Variants in NDFIP2 observed in about 807,000 individuals in gnomAD.
NDFIP2 encodes Nedd4 family interacting protein 2, also known as NEDD4 family-interacting protein 2.
NDFIP2 carries 19 observed loss-of-function variants against 36.0 expected under a neutral mutation model. That is an observed-to-expected ratio of 0.53 (90% confidence interval 0.37 to 0.77). The LOEUF is 0.77. Among genes scored for constraint, NDFIP2 ranks in the 30% least tolerant of loss-of-function variants. The probability of loss-of-function intolerance (pLI) is 0.00; values close to 1 mark genes in which losing one functional copy is unlikely to be tolerated. For synonymous variants in NDFIP2, 181 were observed against 167.7 expected, an observed-to-expected ratio of 1.08 and a Z score of -0.61; for missense variants, 446 against 435.8, an observed-to-expected ratio of 1.02 and a Z score of -0.21.
At chr13:79,490,458 A>G (rs1230563446) in intron 1 of NDFIP2, among the ~76,000 whole-genome samples, 1 of 152,074 alleles carries the variant, frequency 6.6e-6, no homozygotes, top group Non-Finnish European at 1.5e-5. Flanking sequence ...GTGGTGATGT[A>G]GACCAGGGGT....
Position 79,481,229 on chromosome 13 carries a change from T to G in NDFIP2, c.26T>G (p.Val9Gly). 1 of 1,520,274 alleles carries G rather than the reference T, an allele frequency of 6.6e-7. No homozygotes were observed. Among genetic ancestry groups the G allele is most frequent in the Non-Finnish European group, 8.8e-7 (1 of 1,139,792 alleles). 94.2% of individuals were successfully genotyped at this position (1,520,274 alleles called of 1,614,324 possible). Residue 9 changes from valine (V) to glycine (G), a missense_variant, in exon 1 of 8, where the codon GTC becomes GGC. Val to Gly is a moderately radical substitution (Grantham distance 109). This residue lies in a region of NDFIP2 where 369 missense variants were observed against 304.8 expected (regional missense o/e 1.21). Transcript: ENST00000218652. ...ATGGCACGCCGGCGGAGCCAGCGAG[T>G]CTGCGCGAGCGGTCCGAGCATGCTC... MARRRSQR[V>G]CASGPSMLNS...
In NDFIP2 at chr13:79,481,530, T is replaced by C; in HGVS notation, c.321+6T>C. On this transcript the variant is annotated splice_donor_region_variant and intron_variant, in intron 1 of 7. Transcript: ENST00000218652. ...GGACTGGGCGCTACCAGGTGGTGAG[T>C]TCCCGGCCTCCTGTGCCTCCCGGGA... 6.5e-7 allele frequency: 1 copy of C among 1,545,486 alleles called. No individual in the cohort carries two copies.
intron 4 of NDFIP2, among the ~76,000 whole-genome samples, chr13:79,541,484 T>G (rs1013754890): frequency 2.1e-4 from 32 of 151,686 alleles, no homozygotes; most frequent in Non-Finnish European, 4.6e-4. Context: ...CTTATATATT[T>G]AATGCTTCCT....
rs1373895448 is a variant in NDFIP2, at chr13:79,553,176, A to ATATATATGTGTATAC, written c.*677_*678insCTATATATGTGTATA. 1.3e-5 allele frequency: 2 copies of ATATATATGTGTATAC among 151,474 alleles called. No individual in the cohort carries two copies. The highest frequency in any genetic ancestry group is 4.8e-5 in the African/African-American group (2 of 41,384). The allele number at this position is 151,474 out of a possible 1,614,324, so 9.4% of individuals were successfully genotyped here. A position where few individuals can be genotyped will look rare whatever the true frequency, so the allele number is the denominator to read the frequency against. The stretch of plus-strand genomic sequence containing the variant: ...ACTAATTTTAAATTAAGTGAACTAA[A>ATATATATGTGTATAC]TATATATGTGTATATGTATACACAT... On this transcript the variant is annotated 3_prime_UTR_variant, in exon 8 of 8. Transcript: ENST00000218652.
intron 2 of NDFIP2, among the ~76,000 whole-genome samples, chr13:79,525,779 A>G (rs1733983960): frequency 6.6e-6 from 1 of 152,232 alleles, no homozygotes; most frequent in African/African-American, 2.4e-5. Flanking sequence ...TTTCTATTGA[A>G]TATTTCTAGA....
At chr13:79,529,290 A>G (rs1874918166) in intron 2 of NDFIP2, among the ~76,000 whole-genome samples, 1 of 152,198 alleles carries the variant, frequency 6.6e-6, no homozygotes, top group Non-Finnish European at 1.5e-5. Flanking sequence ...TTAAAGCTGT[A>G]GCAATTGAGT....
chr13:79,515,304 G>A (rs769032059), intron 1 of NDFIP2, among the ~76,000 whole-genome samples: 2 of 151,996 alleles, frequency 1.3e-5, no homozygotes, highest in Non-Finnish European at 2.9e-5. Context: ...GATATGTTCT[G>A]TCATACTAAC....
At chr13:79,522,079 C>T (rs1594851837) in intron 2 of NDFIP2, among the ~76,000 whole-genome samples, 2 of 152,294 alleles carry the variant, frequency 1.3e-5, no homozygotes, top group African/African-American at 4.8e-5. Flanking sequence ...CCACCTGCCT[C>T]AGCCTCCCAA....
chr13:79,534,139 C>T (rs1370460081), intron 3 of NDFIP2, among the ~76,000 whole-genome samples: 1 of 152,160 alleles, frequency 6.6e-6, no homozygotes, highest in Non-Finnish European at 1.5e-5. Context: ...TTTGCCTGGA[C>T]CTCAAGTCCA....
In NDFIP2 at chr13:79,481,540, C is replaced by A. The variant is rs1384061320; in HGVS notation, c.321+16C>A. 6.5e-7 allele frequency: 1 copy of A among 1,540,950 alleles called. No individual in the cohort carries two copies. On this transcript the variant is annotated intron_variant, in intron 1 of 7. Coordinates refer to ENST00000218652, the MANE Select transcript of NDFIP2 (RefSeq NM_019080.3). ...CTACCAGGTGGTGAGTTCCCGGCCT[C>A]CTGTGCCTCCCGGGACTGCCTCCCG...
At chr13:79,502,786 C>T (rs372666890) in intron 1 of NDFIP2, among the ~76,000 whole-genome samples, 2 of 151,436 alleles carry the variant, frequency 1.3e-5, no homozygotes, top group African/African-American at 4.9e-5. Flanking sequence ...TATATACATA[C>T]ATATATATTT....
chr13:79,535,160 T>G (rs1411719659), intron 3 of NDFIP2, among the ~76,000 whole-genome samples: 1 of 152,188 alleles, frequency 6.6e-6, no homozygotes, highest in African/African-American at 2.4e-5. Context: ...TATTTGTAAA[T>G]GAACATGCAC....
chr13:79,512,510 T>C (rs532480610), intron 1 of NDFIP2, among the ~76,000 whole-genome samples: 6 of 151,844 alleles, frequency 4.0e-5, no homozygotes, highest in Admixed American at 3.9e-4. Context: ...CAGATTCAAA[T>C]CTGTCTCCCC....
chr13:79,512,759 T>G (rs1007573247), intron 1 of NDFIP2, among the ~76,000 whole-genome samples: 1 of 152,204 alleles, frequency 6.6e-6, no homozygotes, highest in African/African-American at 2.4e-5. Context: ...GAAATCAAGC[T>G]TTTTCTATTG....
intron 1 of NDFIP2, among the ~76,000 whole-genome samples, chr13:79,503,173 G>C (rs1873731715): frequency 6.6e-6 from 1 of 152,142 alleles, no homozygotes; most frequent in Non-Finnish European, 1.5e-5. Context: ...TTTTGACTGA[G>C]AGTCTCATGG....
At chr13:79,483,122 T>C (rs1485648997) in intron 1 of NDFIP2, among the ~76,000 whole-genome samples, 1 of 152,182 alleles carries the variant, frequency 6.6e-6, no homozygotes, top group Non-Finnish European at 1.5e-5. Context: ...CCTCGTTTTT[T>C]TCAAACTGAC....
At chr13:79,481,606 G>A in intron 1 of NDFIP2, 82 bp downstream of exon 1, 3 of 1,440,062 alleles carry the variant, frequency 2.1e-6, no homozygotes, top group Non-Finnish European at 2.8e-6. Context: ...GTTATTCCCG[G>A]AGGAAAAGCT....
intron 1 of NDFIP2, among the ~76,000 whole-genome samples, chr13:79,501,545 A>C (rs969685682): frequency 2.0e-5 from 3 of 152,094 alleles, no homozygotes; most frequent in African/African-American, 7.2e-5. Flanking sequence ...TGAGAGAGGG[A>C]AACAGAAAGA....
chr13:79,516,100 A>C (rs1280427684), intron 1 of NDFIP2, among the ~76,000 whole-genome samples: 1 of 152,090 alleles, frequency 6.6e-6, no homozygotes, highest in Non-Finnish European at 1.5e-5. Flanking sequence ...AACAAGTATA[A>C]AGTGGAAGTA....
Sources: allele counts gnomAD v4.1 joint callset (sites outside exome capture counted in the v4.1 genomes callset), GRCh38; gene constraint gnomAD v4.1.1; regional missense constraint gnomAD v4.1.1; transcripts MANE v1.5; gene names NCBI Gene and HGNC (gene_info 2026-07-23, HGNC 2026-07-21).